B3GALT1: variants seen among roughly 807,000 people sequenced by gnomAD.
The protein encoded by B3GALT1 is beta-1,3-galactosyltransferase 1, also known as UDP-Gal:betaGlcNAc beta 1,3-galactosyltransferase, polypeptide 1.
B3GALT1 carries 10 observed loss-of-function variants against 23.2 expected under a neutral mutation model. The observed-to-expected ratio is 0.43, with a 90% CI of 0.27 to 0.73. The LOEUF (loss-of-function observed/expected upper bound fraction) is 0.73. Among genes scored for constraint, B3GALT1 ranks in the 30% least tolerant of loss-of-function variants. B3GALT1 has a pLI of 0.21. For synonymous variants in B3GALT1, 156 were observed against 141.5 expected (o/e 1.10, Z -0.73); for missense variants, 299 against 405.4 (o/e 0.74, Z 2.25).
intron 3 of B3GALT1, among the ~76,000 whole-genome samples, chr2:167,658,586 A>G (rs989617294): frequency 8.5e-5 from 13 of 152,060 alleles, no homozygotes; most frequent in African/African-American, 3.1e-4. Flanking sequence ...ATACCACTGA[A>G]ATTGGCAAAT....
intron 3 of B3GALT1, among the ~76,000 whole-genome samples, chr2:167,760,450 A>G (rs1368433187): frequency 2.0e-5 from 3 of 152,142 alleles, no homozygotes; most frequent in South Asian, 2.1e-4. Context: ...CACAGCAGCA[A>G]TCGTCCTCTG....
intron 3 of B3GALT1, among the ~76,000 whole-genome samples, chr2:167,799,937 A>G (rs769310530): frequency 6.6e-6 from 1 of 151,470 alleles, no homozygotes; most frequent in Non-Finnish European, 1.5e-5. Flanking sequence ...TAAAAGTTCT[A>G]TTAATGCAAT....
intron 1 of B3GALT1, among the ~76,000 whole-genome samples, chr2:167,312,103 A>C (rs1012245812): frequency 6.6e-6 from 1 of 152,038 alleles, no homozygotes; most frequent in African/African-American, 2.4e-5. Flanking sequence ...AAAAGTAATA[A>C]AGCCAGTTTC....
chr2:167,859,281 AG>A (rs768504244), intron 4 of B3GALT1, among the ~76,000 whole-genome samples: 1 of 152,176 alleles, frequency 6.6e-6, no homozygotes. Flanking sequence ...ATCACTGTAA[AG>A]GAAGCCAAGC....
At chr2:167,838,620 T>C (rs372395834) in intron 4 of B3GALT1, among the ~76,000 whole-genome samples, 101 of 151,308 alleles carry the variant, frequency 6.7e-4, no homozygotes, top group Admixed American at 6.6e-4. Context: ...TGGTACCATT[T>C]CTTCTGAAAC....
intron 2 of B3GALT1, among the ~76,000 whole-genome samples, chr2:167,540,664 GC>G (rs771358702): frequency 2.0e-5 from 3 of 152,066 alleles, no homozygotes; most frequent in Non-Finnish European, 4.4e-5. Flanking sequence ...TTGTCCTTAT[GC>G]CATTGGCTCC....
At chr2:167,843,833 G>A (rs1367491867) in intron 4 of B3GALT1, among the ~76,000 whole-genome samples, 1 of 152,202 alleles carries the variant, frequency 6.6e-6, no homozygotes, top group African/African-American at 2.4e-5. Context: ...ATGACTTTCA[G>A]TGGCACTATG....
At chr2:167,393,211 G>T (rs906781799) in intron 1 of B3GALT1, among the ~76,000 whole-genome samples, 1 of 151,308 alleles carries the variant, frequency 6.6e-6, no homozygotes, top group Non-Finnish European at 1.5e-5. Flanking sequence ...TCCAGCCTGG[G>T]CGACAGAGCG....
intron 3 of B3GALT1, among the ~76,000 whole-genome samples, chr2:167,669,906 A>T (rs1686292910): frequency 6.6e-6 from 1 of 152,166 alleles, no homozygotes; most frequent in Non-Finnish European, 1.5e-5. Flanking sequence ...AATAGTCTGT[A>T]GGCAGCTAGG....
In B3GALT1 at chr2:167,857,275, T is replaced by C. The variant is rs1343026369; in HGVS notation, c.-229-11536T>C. On this transcript the variant is annotated intron_variant, in intron 4 of 4. Coordinates refer to ENST00000392690, the MANE Select transcript of B3GALT1 (RefSeq NM_020981.4). ...TAGAGAAGTGATAAAGGAACAGGAG[T>C]TCCTTTGCTTTGAAAAGCAAAGGCC... 5.9e-5 allele frequency among the ~76,000 whole-genome samples: 9 copies of C among 151,744 alleles called. No individual in the cohort carries two copies. In the East Asian group the frequency reaches 1.8e-3, roughly 30 times the overall value.
At chr2:167,386,749 A>G (rs1697934665) in intron 1 of B3GALT1, among the ~76,000 whole-genome samples, 1 of 152,226 alleles carries the variant, frequency 6.6e-6, no homozygotes, top group Non-Finnish European at 1.5e-5. Context: ...AGGAACTTAC[A>G]TCTTATTGTA....
In B3GALT1 at chr2:167,617,272, G is replaced by A. The variant is rs182904080; in HGVS notation, c.-409-29637G>A. 3.3e-5 allele frequency among the ~76,000 whole-genome samples: 5 copies of A among 152,214 alleles called. No individual in the cohort carries two copies. The East Asian group carries it at 7.7e-4, about 24-fold the overall frequency. ...GAGGAGAAATGCTTTCTTCTTGTGA[G>A]TTTCCATCTTTTTATCTGAAAAGAA... On this transcript the variant is annotated intron_variant, in intron 2 of 4. Coordinates refer to ENST00000392690, the MANE Select transcript of B3GALT1 (RefSeq NM_020981.4).
At chr2:167,532,646 T>C (rs1683345656) in intron 2 of B3GALT1, among the ~76,000 whole-genome samples, 1 of 152,128 alleles carries the variant, frequency 6.6e-6, no homozygotes, top group Admixed American at 6.6e-5. Flanking sequence ...CTCACATATA[T>C]GTTATGCTTA....
chr2:167,533,005 G>A (rs1683355224), intron 2 of B3GALT1, among the ~76,000 whole-genome samples: 1 of 151,966 alleles, frequency 6.6e-6, no homozygotes, highest in African/African-American at 2.4e-5. Context: ...GAGATTATAG[G>A]CATGCGCCAT....
intron 3 of B3GALT1, among the ~76,000 whole-genome samples, chr2:167,750,565 A>G (rs765431924): frequency 6.6e-6 from 1 of 152,090 alleles, no homozygotes; most frequent in Non-Finnish European, 1.5e-5. Flanking sequence ...TTTTTGGTGA[A>G]AATAATTTGG....
chr2:167,579,030 CTAAA>C (rs1194570704), intron 2 of B3GALT1, among the ~76,000 whole-genome samples: 1 of 152,064 alleles, frequency 6.6e-6, no homozygotes, highest in Non-Finnish European at 1.5e-5. Context: ...GGGCGAAGCA[CTAAA>C]TAGTCTTTGA....
chr2:167,684,509 G>A (rs1259919408), intron 3 of B3GALT1, among the ~76,000 whole-genome samples: 1 of 151,932 alleles, frequency 6.6e-6, no homozygotes, highest in African/African-American at 2.4e-5. Context: ...TCCTATTTTT[G>A]TTACCCCAGA....
intron 1 of B3GALT1, among the ~76,000 whole-genome samples, chr2:167,451,031 T>C (rs117402524): frequency 0.01 from 1,597 of 152,178 alleles, 17 homozygotes; most frequent in South Asian, 0.062. Flanking sequence ...GTGCATCCTT[T>C]TTTTCCTGAA....
intron 4 of B3GALT1, among the ~76,000 whole-genome samples, chr2:167,840,318 C>A (rs1558998616): frequency 6.6e-6 from 1 of 151,900 alleles, no homozygotes; most frequent in Admixed American, 6.6e-5. Context: ...ACAATGAACT[C>A]AAACAAATTT....
Sources: allele counts gnomAD v4.1 joint callset (sites outside exome capture counted in the v4.1 genomes callset), GRCh38; gene constraint gnomAD v4.1.1; transcripts MANE v1.5; gene names NCBI Gene and HGNC (gene_info 2026-07-23, HGNC 2026-07-21).